The following SLC2A2 variants were observed in gnomAD, a reference collection of about 807,000 sequenced individuals.
SLC2A2 encodes the protein solute carrier family 2, facilitated glucose transporter member 2.
A neutral mutation model predicts 54.5 loss-of-function variants in SLC2A2; 36 were observed. That is an observed-to-expected ratio of 0.66 (90% CI 0.51 to 0.87). The LOEUF (loss-of-function observed/expected upper bound fraction) is 0.87. Ranked by LOEUF, SLC2A2 falls within the 40% of genes least tolerant of loss-of-function variation. The probability of loss-of-function intolerance (pLI) is 0.00; values close to 1 mark genes in which losing one functional copy is unlikely to be tolerated. For synonymous variants in SLC2A2, 223 were observed against 219.1 expected (o/e 1.02, Z -0.16); for missense variants, 543 against 624.3 (o/e 0.87, Z 1.39).
At chr3:171,002,945 G>A (rs903336518) in intron 7 of SLC2A2, among the ~76,000 whole-genome samples, 5 of 151,890 alleles carry the variant, frequency 3.3e-5, no homozygotes, top group African/African-American at 7.3e-5. Flanking sequence ...AAATTGAAAC[G>A]TTTTGTTAAA....
At chr3:171,025,420 A>G (rs1353125438) in intron 1 of SLC2A2, among the ~76,000 whole-genome samples, 1 of 151,852 alleles carries the variant, frequency 6.6e-6, no homozygotes, top group African/African-American at 2.4e-5. Flanking sequence ...AAGCCTCTCT[A>G]ATATAATCTC....
At chr3:171,006,631 C>T (rs963817597) in intron 5 of SLC2A2, among the ~76,000 whole-genome samples, 1 of 151,986 alleles carries the variant, frequency 6.6e-6, no homozygotes, top group African/African-American at 2.4e-5. Flanking sequence ...ATAGACTACC[C>T]TCTGGATTGT....
At chr3:171,014,118 C>T (rs1224347512) in intron 3 of SLC2A2, among the ~76,000 whole-genome samples, 1 of 152,178 alleles carries the variant, frequency 6.6e-6, no homozygotes, top group Non-Finnish European at 1.5e-5. Flanking sequence ...AAACAATGGA[C>T]TCCCAGGTTA....
At chr3:171,019,292 G>A (rs1000016245) in intron 1 of SLC2A2, among the ~76,000 whole-genome samples, 1 of 151,758 alleles carries the variant, frequency 6.6e-6, no homozygotes, top group Non-Finnish European at 1.5e-5. Flanking sequence ...GAGCTCTGTT[G>A]GATGTTGCCA....
At position 170,998,013 on chromosome 3, in the gene SLC2A2, C is replaced by A; in HGVS notation, c.1465G>T (p.Gly489Ter). ...FTFFKVPETK[G>*]KSFEEIAAEF... Reference sequence around the variant, plus strand: ...GCAGCAATTTCCTCAAAAGACTTTCCTTTGGTTTCTGGAACTTTAAAAAAT... The same window carrying A: ...GCAGCAATTTCCTCAAAAGACTTTCATTTGGTTTCTGGAACTTTAAAAAAT... Residue 489 changes from glycine (G) to a stop codon, truncating the protein, a stop_gained, in exon 11 of 11, where the codon GGA becomes TGA. Transcript: ENST00000314251. LOFTEE classifies it high-confidence loss of function. 1.9e-6 allele frequency: 3 copies of A among 1,613,702 alleles called. No homozygotes were observed. The highest frequency in any genetic ancestry group is 2.5e-6 in the Non-Finnish European group (3 of 1,179,814).
At chr3:171,005,881 GT>G in intron 6 of SLC2A2, 61 bp downstream of exon 6, 2 of 1,505,614 alleles carry the variant, frequency 1.3e-6, no homozygotes, top group Non-Finnish European at 1.8e-6. Flanking sequence ...GGAAAGCACT[GT>G]TTTACATTAG....
intron 7 of SLC2A2, among the ~76,000 whole-genome samples, chr3:171,005,064 A>G (rs928127225): frequency 2.0e-5 from 3 of 152,014 alleles, no homozygotes; most frequent in South Asian, 2.1e-4. Flanking sequence ...TAATAGATAT[A>G]TAGTACCATT....
intron 3 of SLC2A2, among the ~76,000 whole-genome samples, chr3:171,011,206 ACT>A: frequency 6.6e-6 from 1 of 152,164 alleles, no homozygotes; most frequent in South Asian, 2.1e-4. Flanking sequence ...TAATCCCCAG[ACT>A]CTGTAAATGT....
rs970778526 is a variant in SLC2A2 at position 170,996,774 on chromosome 3, G to A, written c.*1129C>T. The A allele has an allele frequency of 5.1e-6, 2 of 395,776 alleles. No homozygotes were observed. The highest frequency in any genetic ancestry group is 3.6e-5 in the East Asian group (1 of 28,016). 24.5% of individuals were successfully genotyped at this position (395,776 alleles called of 1,614,324 possible). ...CAAAGAAGGAAATGTCAAAGGAGAC[G>A]ATTATTTTATGTTAGGAACACACCA... On this transcript the variant is annotated 3_prime_UTR_variant, in exon 11 of 11. Coordinates refer to ENST00000314251, the MANE Select transcript of SLC2A2 (RefSeq NM_000340.2).
rs148081078 is a variant in SLC2A2 at position 171,007,490 on chromosome 3, T to C, written c.497-227A>G. 6.0e-4 allele frequency: 321 copies of C among 535,676 alleles called. 1 individual carries two copies. Among genetic ancestry groups the C allele is most frequent in the African/African-American group, 5.8e-3 (304 of 52,520 alleles). The allele number at this position is 535,676 out of a possible 1,614,324, so 33.2% of individuals were successfully genotyped here. Reference sequence around the variant, plus strand: ...GAATAGAAAGAAATGCTTAGTCATGTATTTGACAGTTCTTCATTACATCAT... The same window carrying C: ...GAATAGAAAGAAATGCTTAGTCATGCATTTGACAGTTCTTCATTACATCAT... On this transcript the variant is annotated intron_variant, in intron 4 of 10. Transcript: ENST00000314251.
intron 8 of SLC2A2, among the ~76,000 whole-genome samples, chr3:170,999,825 A>G (rs1715265354): frequency 6.6e-6 from 1 of 152,118 alleles, no homozygotes. Flanking sequence ...CTTTAAAGCA[A>G]AGGGTTAAAA....
Position 171,014,566 on chromosome 3 carries a change from G to T in SLC2A2, c.274C>A (p.Leu92Ile). 1.2e-6 allele frequency: 2 copies of T among 1,614,174 alleles called. No homozygotes were observed. Among genetic ancestry groups the T allele is most frequent in the Non-Finnish European group, 1.7e-6 (2 of 1,180,018 alleles). The change falls in exon 3 of 11, where the codon CTA becomes ATA. Residue 92 changes from leucine to isoleucine, a missense_variant. Physicochemically the swap from Leu to Ile is conservative, Grantham distance 5 (BLOSUM62 2). Transcript: ENST00000314251. ...AEEETVAAAQ[L>I]ITMLWSLSVS... Reference sequence around the variant, plus strand: ...GACAGGGACCAGAGCATGGTGATTAGTTGAGCAGCTGCCACAGTCTCTTCC... The same window carrying T: ...GACAGGGACCAGAGCATGGTGATTATTTGAGCAGCTGCCACAGTCTCTTCC...
chr3:171,011,603 G>A (rs537906027), intron 3 of SLC2A2, among the ~76,000 whole-genome samples: 1 of 152,154 alleles, frequency 6.6e-6, no homozygotes, highest in East Asian at 1.9e-4. Flanking sequence ...CTAAATTGGG[G>A]ATAATTCATT....
At chr3:171,013,337 A>G (rs1239471428) in intron 3 of SLC2A2, among the ~76,000 whole-genome samples, 2 of 152,096 alleles carry the variant, frequency 1.3e-5, no homozygotes, top group Non-Finnish European at 2.9e-5. Context: ...ATTAATCCGT[A>G]TTTTACAGAT....
chr3:171,015,471 CA>C (rs1716104070), intron 2 of SLC2A2, among the ~76,000 whole-genome samples: 1 of 151,852 alleles, frequency 6.6e-6, no homozygotes, highest in Non-Finnish European at 1.5e-5. Context: ...GACCTTGTCT[CA>C]AAAAATATAT....
rs1715811712 is a variant in SLC2A2 at position 171,010,031 on chromosome 3, C to G, written c.423G>C (p.Leu141Phe). 1 of 1,611,862 alleles carries G rather than the reference C, an allele frequency of 6.2e-7. No individual in the cohort carries two copies. Among genetic ancestry groups the G allele is most frequent in the Non-Finnish European group, 8.5e-7 (1 of 1,178,704 alleles). The change falls in exon 4 of 11, where the codon TTG becomes TTC. Residue 141 changes from leucine to phenylalanine, a missense_variant. This residue lies in a region of SLC2A2 where 318 missense variants were observed against 343.8 expected (regional missense o/e 0.93). Transcript: ENST00000314251. ...ATGGTCCCAATTTTGAAAACCCCAT[C>G]AAGAGAGCTCCAACTAATGACAGAA... ...ANILSLVGAL[L>F]MGFSKLGPSH...
chr3:171,003,810 A>G (rs1715460419), intron 7 of SLC2A2, among the ~76,000 whole-genome samples: 1 of 152,022 alleles, frequency 6.6e-6, no homozygotes, highest in African/African-American at 2.4e-5. Context: ...TGGTGTAGGC[A>G]TGTGCTCAAC....
At chr3:171,021,425 A>G (rs888427563) in intron 1 of SLC2A2, among the ~76,000 whole-genome samples, 6 of 152,234 alleles carry the variant, frequency 3.9e-5, no homozygotes, top group African/African-American at 1.4e-4. Context: ...TACTTCTTAA[A>G]TTAGTTTTCT....
intron 6 of SLC2A2, 64 bp from the exon 7 acceptor site, chr3:171,005,536 G>C: frequency 7.7e-7 from 1 of 1,302,556 alleles, no homozygotes. Flanking sequence ...TTATTTTTAT[G>C]TTAATGAAAG....
Sources: gnomAD v4.1 joint callset for allele counts (sites outside exome capture counted in the v4.1 genomes callset) on GRCh38, gnomAD v4.1.1 for gene constraint, gnomAD v4.1.1 regional missense constraint, MANE v1.5 for transcripts, NCBI Gene and HGNC (gene_info 2026-07-23, HGNC 2026-07-21) for gene names.